Variants in LNX2 observed in about 807,000 individuals in gnomAD.
LNX2 encodes ligand of numb-protein X 2.
Under a neutral mutation model 66.2 loss-of-function variants are expected in LNX2, and 35 were observed. The ratio of observed to expected loss-of-function variants is 0.53; its 90% CI spans 0.40 to 0.70. LNX2 has a LOEUF of 0.70. Among genes scored for constraint, LNX2 ranks in the 30% least tolerant of loss-of-function variants. LNX2 has a pLI of 0.00. For synonymous variants in LNX2, 337 were observed against 315.6 expected, an observed-to-expected ratio of 1.07 and a Z score of -0.72; for missense variants, 791 against 850.8, an observed-to-expected ratio of 0.93 and a Z score of 0.87.
In LNX2 at chr13:27,562,480, C is replaced by A; in HGVS notation, c.1157G>T (p.Arg386Leu). 6.2e-7 allele frequency: 1 copy of A among 1,614,128 alleles called. No individual in the cohort carries two copies. Among genetic ancestry groups the A allele is most frequent in the Non-Finnish European group, 8.5e-7 (1 of 1,179,992 alleles). ...GTCGTGCCCATTGATGGCCAGCACT[C>A]GGTCATTGCTGCTTAGCCTGCCGTC... The part of the protein sequence containing the change: ...AQDGRLSSND[R>L]VLAINGHDLK... Residue 386 changes from arginine to leucine, a missense_variant, in exon 5 of 10, where the codon CGA (arginine) becomes CTA (leucine). Transcript: ENST00000316334.
chr13:27,575,630 T>C (rs973278422), intron 2 of LNX2, among the ~76,000 whole-genome samples: 2 of 152,162 alleles, frequency 1.3e-5, no homozygotes, highest in African/African-American at 4.8e-5. Context: ...GTCTGAATTA[T>C]GCTACTGACT....
chr13:27,590,981 T>C (rs910614232), intron 1 of LNX2, among the ~76,000 whole-genome samples: 3 of 152,104 alleles, frequency 2.0e-5, no homozygotes, highest in African/African-American at 4.8e-5. Flanking sequence ...TATATACATA[T>C]ATATGTGTGT....
chr13:27,546,604 A>C lies in LNX2; in HGVS notation c.*1731T>G, dbSNP rs935025255. ...CATTATAAAACTAACTGAAATAATCAGTGACATGCTACAGATACAATAAAC... is the reference window on the plus strand; with the variant it reads ...CATTATAAAACTAACTGAAATAATCCGTGACATGCTACAGATACAATAAAC... On this transcript the variant is annotated 3_prime_UTR_variant, in exon 10 of 10. Transcript: ENST00000316334. 5 of 152,232 alleles carry C rather than the reference A, an allele frequency of 3.3e-5. No individual in the cohort carries two copies. The highest frequency in any genetic ancestry group is 7.3e-5 in the Non-Finnish European group (5 of 68,046). The allele number at this position is 152,232 out of a possible 1,614,324, so 9.4% of individuals were successfully genotyped here.
intron 1 of LNX2, among the ~76,000 whole-genome samples, chr13:27,588,694 A>G (rs771781076): frequency 1.2e-4 from 18 of 152,214 alleles, no homozygotes; most frequent in Non-Finnish European, 2.1e-4. Flanking sequence ...ATATGAATCT[A>G]CAATTATCAC....
chr13:27,583,981 G>A (rs141255390), intron 1 of LNX2, among the ~76,000 whole-genome samples: 7 of 152,102 alleles, frequency 4.6e-5, no homozygotes, highest in African/African-American at 1.4e-4. Flanking sequence ...GAGAAAAAAT[G>A]GACAAGGGCA....
intron 1 of LNX2, among the ~76,000 whole-genome samples, chr13:27,584,594 G>A (rs149351298): frequency 2.0e-3 from 303 of 152,274 alleles, no homozygotes; most frequent in African/African-American, 6.9e-3. Flanking sequence ...GCTGAGGCAG[G>A]AGGACTGCTT....
rs747657495 is a variant in LNX2, at chr13:27,581,508, C to T, written c.196G>A (p.Gly66Arg). Residue 66 changes from glycine (G) to arginine (R), a missense_variant, in exon 2 of 10, where the codon GGA (glycine) becomes AGA (arginine). Coordinates refer to ENST00000316334, the MANE Select transcript of LNX2 (RefSeq NM_153371.4). ...AGGCACTTGTAGCAGAATGTATGTC[C>T]ACAGGGTGTGTCTAGTGGCTGCAGC... ...PLLQPLDTPC[G>R]HTFCYKCLRN... The T allele has an allele frequency of 4.3e-6, 7 of 1,613,762 alleles. No individual in the cohort carries two copies. The highest frequency in any genetic ancestry group is 5.9e-6 in the Non-Finnish European group (7 of 1,179,884).
At chr13:27,579,025 C>T (rs1375642851) in intron 2 of LNX2, among the ~76,000 whole-genome samples, 3 of 152,166 alleles carry the variant, frequency 2.0e-5, no homozygotes, top group Non-Finnish European at 4.4e-5. Flanking sequence ...GGCAAATAAA[C>T]TGAAAGACTA....
chr13:27,571,512 A>G (rs1056600737), intron 2 of LNX2, among the ~76,000 whole-genome samples: 1 of 152,178 alleles, frequency 6.6e-6, no homozygotes. Context: ...ATGGCTGTTA[A>G]TGGGTATTGG....
At chr13:27,576,154 G>A (rs1315120736) in intron 2 of LNX2, among the ~76,000 whole-genome samples, 1 of 152,046 alleles carries the variant, frequency 6.6e-6, no homozygotes, top group Admixed American at 6.6e-5. Context: ...ATTATAAACA[G>A]AAATTGTACC....
chr13:27,560,461 T>G (rs1955117558), intron 5 of LNX2, among the ~76,000 whole-genome samples: 1 of 151,840 alleles, frequency 6.6e-6, no homozygotes, highest in Non-Finnish European at 1.5e-5. Context: ...CACAGCTTTG[T>G]TTCTGCTGCT....
Position 27,558,807 on chromosome 13 carries a change from T to C in LNX2, c.1368+1035A>G, listed in dbSNP as rs141319837. Among the ~76,000 whole-genome samples, 903 of 152,222 alleles carry C rather than the reference T, an allele frequency of 5.9e-3. 10 individuals carry two copies. The highest frequency in any genetic ancestry group is 0.021 in the African/African-American group (862 of 41,554). ...TAGTATTAACTAAATCAAAGACCAATGACAAGTCTGTAGAGAACTTAAGCT... is the reference window on the plus strand; with the variant it reads ...TAGTATTAACTAAATCAAAGACCAACGACAAGTCTGTAGAGAACTTAAGCT... On this transcript the variant is annotated intron_variant, in intron 6 of 9. Transcript: ENST00000316334.
chr13:27,591,196 A>C (rs987412976), intron 1 of LNX2, among the ~76,000 whole-genome samples: 10 of 152,238 alleles, frequency 6.6e-5, no homozygotes, highest in Admixed American at 6.5e-4. Flanking sequence ...AATGTCTTCT[A>C]ATTTACTTAA....
At chr13:27,580,433 C>T (rs1566123493) in intron 2 of LNX2, among the ~76,000 whole-genome samples, 2 of 152,076 alleles carry the variant, frequency 1.3e-5, no homozygotes, top group South Asian at 4.1e-4. Context: ...TCACAGCAAT[C>T]GAGATTACTG....
At chr13:27,585,466 T>C (rs1955474354) in intron 1 of LNX2, among the ~76,000 whole-genome samples, 1 of 150,320 alleles carries the variant, frequency 6.7e-6, no homozygotes, top group Non-Finnish European at 1.5e-5. Context: ...ATAAAAATAA[T>C]AAAAAAAAAT....
At chr13:27,562,861 C>A in intron 4 of LNX2, 80 bp from the exon 5 acceptor site, 2 of 1,434,476 alleles carry the variant, frequency 1.4e-6, no homozygotes, top group Non-Finnish European at 1.9e-6. Flanking sequence ...GACATTTCCA[C>A]AGGAAACTAA....
chr13:27,615,731 CACA>C (rs965629950), intron 1 of LNX2, among the ~76,000 whole-genome samples: 1 of 152,182 alleles, frequency 6.6e-6, no homozygotes, highest in African/African-American at 2.4e-5. Flanking sequence ...ATATATATTT[CACA>C]ACATCACAGA....
chr13:27,616,547 G>T lies in LNX2; in HGVS notation c.-101+3828C>A, dbSNP rs549147435. On this transcript the variant is annotated intron_variant, in intron 1 of 9. Transcript: ENST00000316334. ...AAGTCCATTCAGATGGCTGGGGAGAGGGGGAAGCTTAGAATTTTATTTTTG... is the reference window on the plus strand; with the variant it reads ...AAGTCCATTCAGATGGCTGGGGAGATGGGGAAGCTTAGAATTTTATTTTTG... Among the ~76,000 whole-genome samples, 17 of 152,288 alleles carry T rather than the reference G, an allele frequency of 1.1e-4. 1 individual carries two copies. The East Asian group carries it at 3.3e-3, about 29-fold the overall frequency.
Position 27,562,640 on chromosome 13 carries a change from G to C in LNX2, c.997C>G (p.Pro333Ala). The change falls in exon 5 of 10, where the codon CCA (proline) becomes GCA (alanine). Residue 333 changes from proline to alanine, a missense_variant. Transcript: ENST00000316334. ...GCCACTTGGAAAATCTCTTCTCGTG[G>C]AGAGTTACTATCAGAATGGTTGTGT... The part of the protein sequence containing the change: ...RAHNHSDSNS[P>A]REEIFQVALH... 2 of 1,614,166 alleles carry C rather than the reference G, an allele frequency of 1.2e-6. No homozygotes were observed. The highest frequency in any genetic ancestry group is 1.7e-6 in the Non-Finnish European group (2 of 1,180,030).
Sources: gnomAD v4.1 joint callset for allele counts (sites outside exome capture counted in the v4.1 genomes callset) on GRCh38, gnomAD v4.1.1 for gene constraint, MANE v1.5 for transcripts, NCBI Gene and HGNC (gene_info 2026-07-23, HGNC 2026-07-21) for gene names.